Variants in PDE4B observed in about 807,000 individuals in gnomAD.
The protein encoded by PDE4B is 3',5'-cyclic-AMP phosphodiesterase 4B.
In PDE4B, 20 loss-of-function variants were observed where a neutral mutation model predicts 82.2. That is an observed-to-expected ratio of 0.24 (90% confidence interval 0.17 to 0.35). The LOEUF (loss-of-function observed/expected upper bound fraction) is 0.35, where lower values mean the gene tolerates loss of function less well. Ranked by LOEUF, PDE4B falls within the 10% of genes least tolerant of loss-of-function variation. The probability of loss-of-function intolerance (pLI) is 1.00; values close to 1 mark genes in which losing one functional copy is unlikely to be tolerated. For missense variants in PDE4B, 655 were observed against 907.2 expected (o/e 0.72, Z 3.57); for synonymous variants, 320 against 318.9 (o/e 1.00, Z -0.04).
chr1:65,846,163 A>G (rs867550766), intron 1 of PDE4B, among the ~76,000 whole-genome samples: 9 of 152,180 alleles, frequency 5.9e-5, no homozygotes, highest in Non-Finnish European at 7.3e-5. Context: ...GAAGCATCCA[A>G]TCAGGGTGGA....
chr1:66,080,404 C>T (rs1265843435), intron 3 of PDE4B, among the ~76,000 whole-genome samples: 4 of 152,080 alleles, frequency 2.6e-5, no homozygotes, highest in Admixed American at 6.6e-5. Flanking sequence ...TGAAAAGATA[C>T]TGCTTTATAA....
chr1:65,797,748 T>C (rs981183660), intron 1 of PDE4B, among the ~76,000 whole-genome samples: 3 of 152,158 alleles, frequency 2.0e-5, no homozygotes, highest in African/African-American at 7.2e-5. Context: ...CCTAGTATTG[T>C]CAAATGGACC....
intron 3 of PDE4B, among the ~76,000 whole-genome samples, chr1:66,159,350 T>A (rs928791604): frequency 3.3e-5 from 5 of 151,818 alleles, no homozygotes; most frequent in Non-Finnish European, 7.4e-5. Flanking sequence ...GCAATTCTCA[T>A]GCCTCAGCCT....
chr1:66,113,610 TGGC>T (rs1645533500), intron 3 of PDE4B, among the ~76,000 whole-genome samples: 1 of 152,218 alleles, frequency 6.6e-6, no homozygotes, highest in South Asian at 2.1e-4. Flanking sequence ...ATATCTGTCT[TGGC>T]GGCACATGTA....
intron 7 of PDE4B, among the ~76,000 whole-genome samples, chr1:66,320,358 G>A (rs1174305155): frequency 6.6e-6 from 1 of 152,132 alleles, no homozygotes; most frequent in Non-Finnish European, 1.5e-5. Context: ...AAGTGATTTT[G>A]CAGAAGTGCT....
intron 3 of PDE4B, among the ~76,000 whole-genome samples, chr1:66,208,396 A>G (rs750031209): frequency 6.6e-6 from 1 of 152,210 alleles, no homozygotes; most frequent in South Asian, 2.1e-4. Flanking sequence ...CGTAGCACAT[A>G]CTTCTAGCTA....
intron 9 of PDE4B, among the ~76,000 whole-genome samples, chr1:66,356,767 G>C (rs967118974): frequency 1.3e-5 from 2 of 152,228 alleles, no homozygotes; most frequent in African/African-American, 4.8e-5. Flanking sequence ...TTACTCTGCA[G>C]TGGATGGTCA....
chr1:66,150,948 G>T lies in PDE4B; in HGVS notation c.282-96512G>T, dbSNP rs74551436. Among the ~76,000 whole-genome samples the T allele has an allele frequency of 3.4e-3, 515 of 152,094 alleles. 18 individuals carry two copies. In the East Asian group the frequency reaches 0.071, roughly 21 times the overall value. ...ATCCAATTCGCTAGAATTTTGTTGAGGAATTTTTATATCAATATTCATACT... is the reference window on the plus strand; with the variant it reads ...ATCCAATTCGCTAGAATTTTGTTGATGAATTTTTATATCAATATTCATACT... On this transcript the variant is annotated intron_variant, in intron 3 of 16. Transcript: ENST00000341517.
chr1:66,316,866 A>G (rs1276293553), intron 7 of PDE4B, among the ~76,000 whole-genome samples: 2 of 152,222 alleles, frequency 1.3e-5, no homozygotes, highest in Non-Finnish European at 2.9e-5. Flanking sequence ...TTGTTTTTCT[A>G]AAGTCTGGAG....
chr1:66,346,513 T>TTG (rs1333514238), intron 8 of PDE4B, among the ~76,000 whole-genome samples: 1 of 152,246 alleles, frequency 6.6e-6, no homozygotes, highest in Non-Finnish European at 1.5e-5. Context: ...ACTTGCTTCA[T>TTG]CTATCTTTCT....
At chr1:66,164,535 C>CAAAAAAAAAAAAAAAAAAAAAAAAAAA (rs10718019) in intron 3 of PDE4B, among the ~76,000 whole-genome samples, 2 of 48,556 alleles carry the variant, frequency 4.1e-5, no homozygotes, top group Non-Finnish European at 3.5e-5. Flanking sequence ...GACTCCGTCT[C>CAAAAAAAAAAAAAAAAAAAAAAAAAAA]AAAAAAAAAA....
At chr1:65,897,219 A>G (rs890992884) in intron 1 of PDE4B, among the ~76,000 whole-genome samples, 3 of 152,156 alleles carry the variant, frequency 2.0e-5, no homozygotes, top group Non-Finnish European at 2.9e-5. Flanking sequence ...TAGAATTTCA[A>G]CCCAGAGTTT....
At chr1:65,997,616 A>G (rs144118225) in intron 3 of PDE4B, among the ~76,000 whole-genome samples, 65 of 152,300 alleles carry the variant, frequency 4.3e-4, no homozygotes, top group African/African-American at 1.5e-3. Context: ...CTTGAATTCT[A>G]TCCTGGTAAT....
intron 3 of PDE4B, among the ~76,000 whole-genome samples, chr1:66,087,052 A>G (rs1016904671): frequency 3.9e-5 from 6 of 152,154 alleles, no homozygotes; most frequent in African/African-American, 1.4e-4. Flanking sequence ...TTCAGAGACT[A>G]GTGGATAAGT....
intron 1 of PDE4B, among the ~76,000 whole-genome samples, chr1:65,897,560 C>T (rs1646924906): frequency 6.6e-6 from 1 of 151,974 alleles, no homozygotes; most frequent in African/African-American, 2.4e-5. Context: ...TGCTTAGCTC[C>T]CACTTGTAAG....
At chr1:65,796,646 CTTTTTT>C (rs71058429) in intron 1 of PDE4B, among the ~76,000 whole-genome samples, 1 of 76,334 alleles carries the variant, frequency 1.3e-5, no homozygotes, top group Non-Finnish European at 2.4e-5. Flanking sequence ...CTTGCTGAAA[CTTTTTT>C]TTTTTTTTTT....
chr1:66,096,677 G>A (rs1400980016), intron 3 of PDE4B, among the ~76,000 whole-genome samples: 2 of 150,964 alleles, frequency 1.3e-5, no homozygotes, highest in Admixed American at 6.6e-5. Flanking sequence ...AATATAGCTA[G>A]TAAAATATTC....
chr1:66,140,729 A>G (rs1159838268), intron 3 of PDE4B, among the ~76,000 whole-genome samples: 1 of 152,210 alleles, frequency 6.6e-6, no homozygotes, highest in Non-Finnish European at 1.5e-5. Flanking sequence ...CAGTGCTTAA[A>G]TGTGATATGT....
chr1:66,364,318 A>G (rs1341546680), intron 12 of PDE4B, among the ~76,000 whole-genome samples: 1 of 152,210 alleles, frequency 6.6e-6, no homozygotes, highest in Non-Finnish European at 1.5e-5. Flanking sequence ...GAACAGAAGA[A>G]TTAATGATGC....
Sources: gnomAD v4.1 joint callset for allele counts (sites outside exome capture counted in the v4.1 genomes callset) on GRCh38, gnomAD v4.1.1 for gene constraint, MANE v1.5 for transcripts, NCBI Gene and HGNC (gene_info 2026-07-23, HGNC 2026-07-21) for gene names.